The following TRPM7 variants were observed in gnomAD, a reference collection of about 807,000 sequenced individuals.
TRPM7 encodes the protein transient receptor potential cation channel subfamily M member 7.
Under a neutral mutation model 229.7 loss-of-function variants are expected in TRPM7, and 134 were observed. The observed-to-expected ratio is 0.58, with a 90% confidence interval of 0.51 to 0.67. The LOEUF (loss-of-function observed/expected upper bound fraction) is 0.67, where lower values mean the gene tolerates loss of function less well. Among genes scored for constraint, TRPM7 ranks in the 30% least tolerant of loss-of-function variants. The pLI is 0.00. For missense variants in TRPM7, 1,901 were observed against 2,210.0 expected, an observed-to-expected ratio of 0.86 and a Z score of 2.80; for synonymous variants, 699 against 715.2, an observed-to-expected ratio of 0.98 and a Z score of 0.36.
intron 21 of TRPM7, among the ~76,000 whole-genome samples, chr15:50,603,202 T>G (rs904490700): frequency 6.6e-6 from 1 of 152,190 alleles, no homozygotes; most frequent in Non-Finnish European, 1.5e-5. Flanking sequence ...AGCGTGAAAG[T>G]GCAAATATAA....
At chr15:50,572,428 T>C (rs1421265856) in intron 36 of TRPM7, among the ~76,000 whole-genome samples, 1 of 152,262 alleles carries the variant, frequency 6.6e-6, no homozygotes, top group East Asian at 1.9e-4. Context: ...TAATTCTTAC[T>C]ATTTTTTAAC....
intron 1 of TRPM7, among the ~76,000 whole-genome samples, chr15:50,669,670 G>A (rs1289940580): frequency 2.0e-5 from 3 of 152,182 alleles, no homozygotes; most frequent in Middle Eastern, 3.4e-3. Flanking sequence ...AAGAACTATG[G>A]TATACCTGTC....
chr15:50,644,595 G>C (rs1033603161), intron 4 of TRPM7, among the ~76,000 whole-genome samples: 2 of 152,086 alleles, frequency 1.3e-5, no homozygotes, highest in Non-Finnish European at 2.9e-5. Flanking sequence ...CTGAGGTCAA[G>C]CGTTCGAGGC....
At chr15:50,660,870 C>T (rs2061703915) in intron 2 of TRPM7, among the ~76,000 whole-genome samples, 1 of 152,062 alleles carries the variant, frequency 6.6e-6, no homozygotes, top group South Asian at 2.1e-4. Context: ...TTCATTGTGG[C>T]CTAATTAAAT....
At chr15:50,682,899 C>CTT (rs11437624) in intron 1 of TRPM7, among the ~76,000 whole-genome samples, 29 of 143,342 alleles carry the variant, frequency 2.0e-4, no homozygotes, top group East Asian at 4.1e-4. Flanking sequence ...CGGTACCAAA[C>CTT]TTTTTTTTTT....
chr15:50,578,677 CA>C lies in TRPM7; in HGVS notation c.4593-14del. ...TTCTTCAGATGGCCTAAAGAAACAC[CA>C]AAAAATATAGTATAAGCTGTGCTAT... On this transcript the variant is annotated splice_polypyrimidine_tract_variant and intron_variant, in intron 30 of 38. Coordinates refer to ENST00000646667, the MANE Select transcript of TRPM7 (RefSeq NM_017672.6). The C allele has an allele frequency of 4.4e-6, 7 of 1,603,312 alleles. No homozygotes were observed. The highest frequency in any genetic ancestry group is 2.2e-5 in the South Asian group (2 of 89,356).
intron 4 of TRPM7, among the ~76,000 whole-genome samples, chr15:50,644,159 T>G (rs1377961035): frequency 6.6e-6 from 1 of 152,194 alleles, no homozygotes; most frequent in Non-Finnish European, 1.5e-5. Flanking sequence ...AAAATCGTAA[T>G]CAACATTTCA....
rs1596060260 is a variant in TRPM7 at position 50,570,117 on chromosome 15, C to T, written c.5347G>A (p.Ala1783Thr). 6.2e-7 allele frequency: 1 copy of T among 1,610,104 alleles called. No homozygotes were observed. Among genetic ancestry groups the T allele is most frequent in the East Asian group, 2.2e-5 (1 of 44,746 alleles). The change falls in exon 37 of 39, where the codon GCA becomes ACA. Residue 1783 changes from alanine to threonine, a missense_variant. Physicochemically the swap from Ala to Thr is moderately conservative, Grantham distance 58. Around this residue, in one of 8 missense-constraint regions of TRPM7, gnomAD observed 257 missense variants for 352.0 expected, o/e 0.73. Transcript: ENST00000646667. Reference sequence around the variant, plus strand: ...AAAACTTATTACCTCTTTTCTTCTGCTTTTATCACAGATGGGTCAGTCAAA... The same window carrying T: ...AAAACTTATTACCTCTTTTCTTCTGTTTTTATCACAGATGGGTCAGTCAAA... ...ENLTDPSVIK[A>T]EEKRSCDMVF... is the part of the protein sequence containing the mutation.
intron 12 of TRPM7, among the ~76,000 whole-genome samples, chr15:50,620,206 C>T (rs957753540): frequency 6.6e-6 from 1 of 152,154 alleles, no homozygotes; most frequent in Non-Finnish European, 1.5e-5. Flanking sequence ...CTTGTTCAAC[C>T]TGTAACCCAC....
chr15:50,607,378 C>A (rs755149762), intron 19 of TRPM7, 50 bp from the exon 20 acceptor site: 26 of 1,418,902 alleles, frequency 1.8e-5, no homozygotes, highest in Non-Finnish European at 2.1e-5. Flanking sequence ...CAAAATAAAT[C>A]TTTTAATTAT....
intron 1 of TRPM7, among the ~76,000 whole-genome samples, chr15:50,675,951 A>C (rs118137996): frequency 0.014 from 2,059 of 152,314 alleles, 21 homozygotes; most frequent in South Asian, 0.045. Flanking sequence ...CAAGTTTCAG[A>C]GCCTCTTTTT....
intron 35 of TRPM7, 45 bp from the exon 36 acceptor site, chr15:50,574,524 A>C: frequency 6.4e-7 from 1 of 1,571,024 alleles, no homozygotes; most frequent in Non-Finnish European, 8.7e-7. Flanking sequence ...TTTGTTAATA[A>C]AATTCTAATT....
chr15:50,599,251 G>C lies in TRPM7; in HGVS notation c.3034C>G (p.Leu1012Val). ...YIVVIMALVL[L>V]SFGVPRKAIL... ...GCCTTTCTGGGAACACCAAAACTAAGTAATACAAGAGCCATAATCACTACA... is the reference window on the plus strand; with the variant it reads ...GCCTTTCTGGGAACACCAAAACTAACTAATACAAGAGCCATAATCACTACA... Residue 1012 changes from leucine (L) to valine (V), a missense_variant, in exon 22 of 39, where the codon CTT becomes GTT. Leu to Val is a conservative substitution (Grantham distance 32). Transcript: ENST00000646667. The C allele has an allele frequency of 1.2e-6, 2 of 1,613,054 alleles. No individual in the cohort carries two copies. Among genetic ancestry groups the C allele is most frequent in the Non-Finnish European group, 1.7e-6 (2 of 1,179,370 alleles).
Position 50,574,622 on chromosome 15 carries a change from A to T in TRPM7, c.5102+15T>A, listed in dbSNP as rs759367333. On this transcript the variant is annotated intron_variant, in intron 35 of 38. Transcript: ENST00000646667. ...CCATATAATAAAAGATCCCAGAAAAAAATTAAAGATTTACCTTGGAGAATA... is the reference window on the plus strand; with the variant it reads ...CCATATAATAAAAGATCCCAGAAAATAATTAAAGATTTACCTTGGAGAATA... 1 of 1,601,874 alleles carries T rather than the reference A, an allele frequency of 6.2e-7. No homozygotes were observed. Among genetic ancestry groups the T allele is most frequent in the Admixed American group, 1.7e-5 (1 of 57,180 alleles).
intron 11 of TRPM7, among the ~76,000 whole-genome samples, chr15:50,624,849 T>A (rs1272731988): frequency 2.6e-5 from 4 of 152,206 alleles, no homozygotes; most frequent in Admixed American, 2.6e-4. Flanking sequence ...TCATCATAGT[T>A]TTTGTTCTAC....
rs747983557 is a variant in TRPM7, at chr15:50,586,374, T to C, written c.4486+18A>G. On this transcript the variant is annotated intron_variant, in intron 28 of 38. Coordinates refer to ENST00000646667, the MANE Select transcript of TRPM7 (RefSeq NM_017672.6). ...TGAGTATGTTTTCTGACACTATTCATATGGTCAAAATACTCACCTTGTTTT... is the reference window on the plus strand; with the variant it reads ...TGAGTATGTTTTCTGACACTATTCACATGGTCAAAATACTCACCTTGTTTT... 102 of 1,497,868 alleles carry C rather than the reference T, an allele frequency of 6.8e-5. No homozygotes were observed. Among genetic ancestry groups the C allele is most frequent in the Admixed American group, 1.9e-4 (11 of 59,308 alleles). The allele number at this position is 1,497,868 out of a possible 1,614,324, so 92.8% of individuals were successfully genotyped here.
chr15:50,664,290 C>T (rs1486575454), intron 1 of TRPM7, among the ~76,000 whole-genome samples: 41 of 116,182 alleles, frequency 3.5e-4, no homozygotes, highest in African/African-American at 1.3e-3. Flanking sequence ...AGCCTGGCGA[C>T]AGAGCAAGAC....
intron 19 of TRPM7, among the ~76,000 whole-genome samples, chr15:50,608,809 A>G (rs2059988508): frequency 6.6e-6 from 1 of 152,154 alleles, no homozygotes; most frequent in Non-Finnish European, 1.5e-5. Flanking sequence ...GGGAGTTAAG[A>G]ACTCATTTAC....
chr15:50,604,695 T>G, intron 21 of TRPM7, 171 bp downstream of exon 21: 2 of 632,198 alleles, frequency 3.2e-6, no homozygotes, highest in South Asian at 4.5e-5. Flanking sequence ...GTATAGGGGA[T>G]TGGGATTGAG....
Sources: allele counts gnomAD v4.1 joint callset (sites outside exome capture counted in the v4.1 genomes callset), GRCh38; gene constraint gnomAD v4.1.1; regional missense constraint gnomAD v4.1.1; transcripts MANE v1.5; gene names NCBI Gene and HGNC (gene_info 2026-07-23, HGNC 2026-07-21).